The following CACNB2 variants were observed in gnomAD, a reference collection of about 807,000 sequenced individuals.
CACNB2 encodes calcium voltage-gated channel auxiliary subunit beta 2, also known as voltage-dependent L-type calcium channel subunit beta-2.
In CACNB2, 42 loss-of-function variants were observed where a neutral mutation model predicts 73.3. The observed-to-expected ratio is 0.57, with a 90% CI of 0.45 to 0.74. The LOEUF (loss-of-function observed/expected upper bound fraction) is 0.74. CACNB2 is among the 30% of genes least tolerant of loss of function. The pLI is 0.00. For missense variants in CACNB2, 940 were observed against 853.0 expected, an observed-to-expected ratio of 1.10 and a Z score of -1.27; for synonymous variants, 348 against 310.3, an observed-to-expected ratio of 1.12 and a Z score of -1.28.
At chr10:18,438,181 C>A (rs1192596003) in intron 3 of CACNB2, among the ~76,000 whole-genome samples, 1 of 61,674 alleles carries the variant, frequency 1.6e-5, no homozygotes, top group African/African-American at 8.0e-5. Context: ...GCACACCTGG[C>A]GATTTTTTTT....
At chr10:18,283,724 C>T (rs912260352) in intron 2 of CACNB2, among the ~76,000 whole-genome samples, 13 of 151,666 alleles carry the variant, frequency 8.6e-5, no homozygotes, top group East Asian at 5.8e-4. Flanking sequence ...ATGTAAATGA[C>T]GAGTTAATGG....
chr10:18,471,225 G>A lies in CACNB2; in HGVS notation c.334-27130G>A, dbSNP rs1419996553. 7.2e-5 allele frequency among the ~76,000 whole-genome samples: 11 copies of A among 152,244 alleles called. No individual in the cohort carries two copies. The East Asian group carries it at 2.1e-3, about 29-fold the overall frequency. On this transcript the variant is annotated intron_variant, in intron 3 of 13. Transcript: ENST00000324631. ...GGAGGCTGAGGCAGGAGAATAGCTT[G>A]AACCCAGGAGGCGGAGGTTGCATTG... is the stretch of plus-strand genomic sequence containing the variant.
chr10:18,420,881 A>G (rs2045282888), intron 3 of CACNB2, among the ~76,000 whole-genome samples: 1 of 152,254 alleles, frequency 6.6e-6, no homozygotes, highest in South Asian at 2.1e-4. Context: ...AATTTTTTAA[A>G]AAAATTTAAA....
chr10:18,261,895 T>C, intron 2 of CACNB2: 5 of 516,080 alleles, frequency 9.7e-6, no homozygotes, highest in South Asian at 7.0e-5. Flanking sequence ...GAGTATTAAA[T>C]TCTACAAGGC....
chr10:18,533,072 C>T (rs1162988961), intron 10 of CACNB2: 1 of 152,002 alleles, frequency 6.6e-6, no homozygotes, highest in East Asian at 1.9e-4. Flanking sequence ...AAATTATCTC[C>T]AGGAAGCTTC....
intron 2 of CACNB2, among the ~76,000 whole-genome samples, chr10:18,161,775 A>T (rs2032484009): frequency 6.6e-6 from 1 of 152,022 alleles, no homozygotes; most frequent in Admixed American, 6.5e-5. Flanking sequence ...AATATTTTTT[A>T]AAAATTAGCC....
intron 2 of CACNB2, among the ~76,000 whole-genome samples, chr10:18,194,084 A>G (rs1220435471): frequency 2.6e-5 from 4 of 152,204 alleles, no homozygotes; most frequent in South Asian, 4.2e-4. Context: ...TTGAGTATGA[A>G]GGATTCTCTC....
In CACNB2 at chr10:18,253,116, A is replaced by T. The variant is rs77236924; in HGVS notation, c.213+102141A>T. 4.2e-3 allele frequency among the ~76,000 whole-genome samples: 639 copies of T among 152,284 alleles called. 29 individuals carry two copies. In the East Asian group the frequency reaches 0.1, roughly 25 times the overall value. On this transcript the variant is annotated intron_variant, in intron 2 of 13. Transcript: ENST00000324631. ...CAATCACTTCGTATATGAAATGGAGATGAAGGGCTCATGGAGTTGTCATGA... is the reference window on the plus strand; with the variant it reads ...CAATCACTTCGTATATGAAATGGAGTTGAAGGGCTCATGGAGTTGTCATGA...
intron 1 of CACNB2, among the ~76,000 whole-genome samples, chr10:18,141,605 C>T (rs1490869055): frequency 6.6e-6 from 1 of 152,258 alleles, no homozygotes; most frequent in Non-Finnish European, 1.5e-5. Context: ...AAAAAGTCAG[C>T]TTCGCTGCAG....
chr10:18,346,655 G>A (rs1245345931), intron 2 of CACNB2, among the ~76,000 whole-genome samples: 2 of 152,052 alleles, frequency 1.3e-5, no homozygotes, highest in South Asian at 2.1e-4. Flanking sequence ...GGAGTGCAGC[G>A]ATATGATCTC....
chr10:18,232,766 T>G (rs534008838), intron 2 of CACNB2, among the ~76,000 whole-genome samples: 1 of 152,316 alleles, frequency 6.6e-6, no homozygotes, highest in East Asian at 1.9e-4. Flanking sequence ...GTTACAAGCA[T>G]AAGTCCAAAT....
At chr10:18,472,712 A>G (rs1173939578) in intron 3 of CACNB2, among the ~76,000 whole-genome samples, 1 of 152,202 alleles carries the variant, frequency 6.6e-6, no homozygotes, top group African/African-American at 2.4e-5. Flanking sequence ...TCTCCTTAAT[A>G]AACGTATTGG....
At chr10:18,332,978 A>G (rs768805270) in intron 2 of CACNB2, among the ~76,000 whole-genome samples, 2 of 152,176 alleles carry the variant, frequency 1.3e-5, no homozygotes, top group African/African-American at 2.4e-5. Context: ...CAACAGATCT[A>G]TGGGGTTGGG....
At chr10:18,353,401 C>T (rs1225377690) in intron 2 of CACNB2, among the ~76,000 whole-genome samples, 2 of 132,160 alleles carry the variant, frequency 1.5e-5, no homozygotes, top group African/African-American at 3.0e-5. Context: ...CAGAGCAAGA[C>T]TCTGTCTCCA....
intron 2 of CACNB2, among the ~76,000 whole-genome samples, chr10:18,339,216 A>G (rs185252964): frequency 6.6e-6 from 1 of 152,188 alleles, no homozygotes; most frequent in Admixed American, 6.5e-5. Context: ...ATGTGACTGT[A>G]CCAGTTTATA....
At chr10:18,189,864 C>A (rs2034318142) in intron 2 of CACNB2, among the ~76,000 whole-genome samples, 1 of 152,196 alleles carries the variant, frequency 6.6e-6, no homozygotes, top group Admixed American at 6.5e-5. Flanking sequence ...TCCTTGAGAT[C>A]TTTGCATGTT....
rs558430526 is a variant in CACNB2, at chr10:18,365,659, A to T, written c.214-36265A>T. Among the ~76,000 whole-genome samples the T allele has an allele frequency of 8.5e-5, 13 of 152,330 alleles. No individual in the cohort carries two copies. The South Asian group carries it at 2.7e-3, about 32-fold the overall frequency. ...TTTTTAAGAGGCTGAAGGAAAATTA[A>T]ATATTTTGCTGAAATATTTTCTCTG... On this transcript the variant is annotated intron_variant, in intron 2 of 13. Transcript: ENST00000324631.
intron 4 of CACNB2, 131 bp from the exon 5 acceptor site, chr10:18,500,681 T>G (rs1340409714): frequency 2.1e-6 from 2 of 931,138 alleles, no homozygotes; most frequent in African/African-American, 3.3e-5. Flanking sequence ...AGCCGAAGGG[T>G]TTCTTGAATG....
chr10:18,408,597 A>C (rs1301681728), intron 3 of CACNB2, among the ~76,000 whole-genome samples: 1 of 152,034 alleles, frequency 6.6e-6, no homozygotes, highest in Non-Finnish European at 1.5e-5. Context: ...GATGTTGAAA[A>C]TCTCTTACAA....
Sources: gnomAD v4.1 joint callset for allele counts (sites outside exome capture counted in the v4.1 genomes callset) on GRCh38, gnomAD v4.1.1 for gene constraint, MANE v1.5 for transcripts, NCBI Gene and HGNC (gene_info 2026-07-23, HGNC 2026-07-21) for gene names.